The following PLCL1 variants were observed in gnomAD, a reference collection of about 807,000 sequenced individuals.
The protein encoded by PLCL1 is inactive phospholipase C-like protein 1.
PLCL1 carries 41 observed loss-of-function variants against 84.4 expected under a neutral mutation model. The ratio of observed to expected loss-of-function variants is 0.49; its 90% CI spans 0.38 to 0.63. The LOEUF (loss-of-function observed/expected upper bound fraction) is 0.63, where lower values mean the gene tolerates loss of function less well. Ranked by LOEUF, PLCL1 falls within the 30% of genes least tolerant of loss-of-function variation. The pLI is 0.00. For synonymous variants in PLCL1, 490 were observed against 488.3 expected, an observed-to-expected ratio of 1.00 and a Z score of -0.05; for missense variants, 1,206 against 1,367.8, an observed-to-expected ratio of 0.88 and a Z score of 1.87.
At chr2:197,924,502 A>G (rs1688795511) in intron 1 of PLCL1, among the ~76,000 whole-genome samples, 1 of 152,134 alleles carries the variant, frequency 6.6e-6, no homozygotes, top group African/African-American at 2.4e-5. Context: ...ATGTAGATGC[A>G]TTAGGCTAAG....
rs762582177 is a variant in PLCL1 at position 198,086,127 on chromosome 2, G to A, written c.2610G>A (p.Arg870=). Residue 870 remains arginine (R), a synonymous_variant, in exon 2 of 6, where the codon CGG becomes CGA. Transcript: ENST00000428675. ...SLSVRMGKKV[R]EYTMLRNIGL... ...CAGTGAGAATGGGGAAGAAAGTTCG[G>A]GAATATACCATGCTCAGGAATATCG... 3 of 1,613,674 alleles carry A rather than the reference G, an allele frequency of 1.9e-6. No individual in the cohort carries two copies. Among genetic ancestry groups the A allele is most frequent in the Non-Finnish European group, 2.5e-6 (3 of 1,179,766 alleles).
chr2:198,042,055 A>G (rs1376872445), intron 1 of PLCL1, among the ~76,000 whole-genome samples: 1 of 152,208 alleles, frequency 6.6e-6, no homozygotes, highest in African/African-American at 2.4e-5. Context: ...CTTTGGAGCT[A>G]GGGCAGCTCT....
chr2:198,084,770 T>A lies in PLCL1; in HGVS notation c.1253T>A (p.Ile418Lys), dbSNP rs761609539. 2 of 1,614,082 alleles carry A rather than the reference T, an allele frequency of 1.2e-6. No homozygotes were observed. The highest frequency in any genetic ancestry group is 4.5e-5 in the East Asian group (2 of 44,878). The change falls in exon 2 of 6, where the codon ATA becomes AAA. Residue 418 changes from isoleucine (I) to lysine (K), a missense_variant. Transcript: ENST00000428675. ...AATGCCTCTCATAACACCTATCTAA[T>A]AGAAGACCAGTTCAGGGGGCCAGCT... ...YINASHNTYL[I>K]EDQFRGPADI...
At chr2:197,918,606 C>G (rs13026569) in intron 1 of PLCL1, among the ~76,000 whole-genome samples, 41,383 of 151,800 alleles carry the variant, frequency 0.27, 6,732 homozygotes, top group East Asian at 0.5. Context: ...AATAATGGTC[C>G]ATTTAAAAGA....
At chr2:198,129,242 T>A (rs1694064782) in intron 5 of PLCL1, among the ~76,000 whole-genome samples, 1 of 152,186 alleles carries the variant, frequency 6.6e-6, no homozygotes, top group Non-Finnish European at 1.5e-5. Context: ...GCTGAGAGTC[T>A]GGTACCTTTT....
At chr2:197,959,777 C>T (rs1286573282) in intron 1 of PLCL1, among the ~76,000 whole-genome samples, 1 of 152,070 alleles carries the variant, frequency 6.6e-6, no homozygotes, top group South Asian at 2.1e-4. Flanking sequence ...GATCTGGCAA[C>T]ACTGCATGAC....
chr2:198,022,382 T>C (rs1466004099), intron 1 of PLCL1, among the ~76,000 whole-genome samples: 1 of 152,098 alleles, frequency 6.6e-6, no homozygotes, highest in East Asian at 1.9e-4. Context: ...TTCAACATAG[T>C]ATTGGAAGTT....
chr2:198,031,160 T>C (rs1691406683), intron 1 of PLCL1, among the ~76,000 whole-genome samples: 1 of 142,426 alleles, frequency 7.0e-6, no homozygotes, highest in Admixed American at 7.4e-5. Flanking sequence ...CACCTGAGCA[T>C]AGGAGCTCAA....
rs146000716 is a variant in PLCL1 at position 198,085,311 on chromosome 2, G to C, written c.1794G>C (p.Arg598Ser). ...LVSICKSVQY[R>S]DFELSMKSQN... is the part of the protein sequence containing the mutation. Reference sequence around the variant, plus strand: ...CTATTTGTAAATCTGTTCAATACAGGGATTTTGAACTATCTATGAAAAGCC... The same window carrying C: ...CTATTTGTAAATCTGTTCAATACAGCGATTTTGAACTATCTATGAAAAGCC... Residue 598 changes from arginine (R) to serine (S), a missense_variant, in exon 2 of 6, where the codon AGG (arginine) becomes AGC (serine). Physicochemically the swap from Arg to Ser is moderately radical, Grantham distance 110 (BLOSUM62 -1). Transcript: ENST00000428675. This position sits in a 1 kb window ranked among gnomAD's most constrained non-coding sequence, Gnocchi z 5.3. 31 of 1,613,230 alleles carry C rather than the reference G, an allele frequency of 1.9e-5. No individual in the cohort carries two copies. Among genetic ancestry groups the C allele is most frequent in the East Asian group, 2.2e-5 (1 of 44,866 alleles).
chr2:197,884,903 G>A (rs1014430113), intron 1 of PLCL1, among the ~76,000 whole-genome samples: 2 of 151,940 alleles, frequency 1.3e-5, no homozygotes, highest in Admixed American at 6.6e-5. Flanking sequence ...AATTGAGACT[G>A]TATTGTTCCC....
At chr2:198,131,757 C>A (rs1014271195) in intron 5 of PLCL1, among the ~76,000 whole-genome samples, 2 of 152,260 alleles carry the variant, frequency 1.3e-5, no homozygotes, top group African/African-American at 4.8e-5. Flanking sequence ...GGTTATCAAG[C>A]AATCAAATGG....
At chr2:197,984,199 A>G (rs935282516) in intron 1 of PLCL1, among the ~76,000 whole-genome samples, 1 of 152,210 alleles carries the variant, frequency 6.6e-6, no homozygotes, top group Non-Finnish European at 1.5e-5. Flanking sequence ...TTGTTTCAAC[A>G]TGTTTTACTT....
chr2:197,869,028 T>G (rs886230575), intron 1 of PLCL1, among the ~76,000 whole-genome samples: 3 of 152,166 alleles, frequency 2.0e-5, no homozygotes, highest in Non-Finnish European at 4.4e-5. Context: ...ACAGTTTGAG[T>G]GCCTGTTATA....
chr2:198,083,778 T>C lies in PLCL1; in HGVS notation c.261T>C (p.Cys87=). Residue 87 remains cysteine, a synonymous_variant, in exon 2 of 6, where the codon TGT becomes TGC. Coordinates refer to ENST00000428675, the MANE Select transcript of PLCL1 (RefSeq NM_006226.4). ...TACAGGATCCTTCAAACCAAAAATG[T>C]GGTGGAAGAAAGAAAACCGTGTCTT... The part of the protein sequence containing the change: ...SIIKDPSNQK[C]GGRKKTVSFS... 2 of 1,582,754 alleles carry C rather than the reference T, an allele frequency of 1.3e-6. No homozygotes were observed. Among genetic ancestry groups the C allele is most frequent in the Non-Finnish European group, 1.7e-6 (2 of 1,166,430 alleles).
intron 1 of PLCL1, among the ~76,000 whole-genome samples, chr2:197,926,565 T>C (rs1688834706): frequency 6.6e-6 from 1 of 152,218 alleles, no homozygotes; most frequent in African/African-American, 2.4e-5. Context: ...CATTTGATGT[T>C]GCCTTTTCTA....
At chr2:198,088,832 GT>G (rs1373779568) in intron 2 of PLCL1, 25 bp from the exon 3 acceptor site, 1 of 1,427,078 alleles carries the variant, frequency 7.0e-7, no homozygotes, top group East Asian at 2.3e-5. Context: ...GGTCAGAAGT[GT>G]GATTCCATGT....
At chr2:198,033,598 A>G (rs967712268) in intron 1 of PLCL1, among the ~76,000 whole-genome samples, 1 of 152,140 alleles carries the variant, frequency 6.6e-6, no homozygotes, top group Non-Finnish European at 1.5e-5. Flanking sequence ...CAAAACACAT[A>G]TGTGGTTGAA....
At chr2:198,034,043 C>T (rs1027547481) in intron 1 of PLCL1, among the ~76,000 whole-genome samples, 3 of 151,988 alleles carry the variant, frequency 2.0e-5, no homozygotes, top group East Asian at 1.9e-4. Context: ...GTGTGCACAA[C>T]GTGCAGGTTT....
chr2:197,969,393 A>C (rs1384053131), intron 1 of PLCL1, among the ~76,000 whole-genome samples: 2 of 152,216 alleles, frequency 1.3e-5, no homozygotes, highest in Non-Finnish European at 2.9e-5. Flanking sequence ...TGAGTTAATT[A>C]GGTGGAGTGA....
Sources: allele counts gnomAD v4.1 joint callset (sites outside exome capture counted in the v4.1 genomes callset), GRCh38; gene constraint gnomAD v4.1.1; non-coding constraint Gnocchi (gnomAD v3.1); transcripts MANE v1.5; gene names NCBI Gene and HGNC (gene_info 2026-07-23, HGNC 2026-07-21).